CNTN5: variants seen among roughly 807,000 people sequenced by gnomAD.
CNTN5 encodes contactin-5.
Under a neutral mutation model 129.1 loss-of-function variants are expected in CNTN5, and 77 were observed. That is an observed-to-expected ratio of 0.60 (90% CI 0.50 to 0.72). The LOEUF (loss-of-function observed/expected upper bound fraction) is 0.72. Ranked by LOEUF, CNTN5 falls within the 30% of genes least tolerant of loss-of-function variation. The probability of loss-of-function intolerance (pLI) is 0.00; values close to 1 mark genes in which losing one functional copy is unlikely to be tolerated. For synonymous variants in CNTN5, 509 were observed against 465.6 expected (o/e 1.09, Z -1.20); for missense variants, 1,478 against 1,328.8 (o/e 1.11, Z -1.75).
chr11:99,054,664 C>T (rs2135187618), intron 1 of CNTN5, among the ~76,000 whole-genome samples: 1 of 151,792 alleles, frequency 6.6e-6, no homozygotes, highest in East Asian at 2.0e-4. Context: ...TTCCTAGAAG[C>T]ATTGGGAAAT....
chr11:99,051,735 C>T (rs1246548937), intron 1 of CNTN5, among the ~76,000 whole-genome samples: 2 of 151,866 alleles, frequency 1.3e-5, no homozygotes, highest in Non-Finnish European at 2.9e-5. Flanking sequence ...GTCAATCCAT[C>T]CGTTTGCTCT....
At chr11:99,788,888 C>A (rs1945634159) in intron 3 of CNTN5, among the ~76,000 whole-genome samples, 1 of 151,864 alleles carries the variant, frequency 6.6e-6, no homozygotes, top group Non-Finnish European at 1.5e-5. Context: ...CAGATTTCAT[C>A]AGCACAGCTC....
chr11:99,704,024 G>A (rs1003589188), intron 3 of CNTN5, among the ~76,000 whole-genome samples: 4 of 150,452 alleles, frequency 2.7e-5, no homozygotes, highest in Non-Finnish European at 6.0e-5. Context: ...ATAAATGAAG[G>A]CAATAAATAA....
intron 1 of CNTN5, among the ~76,000 whole-genome samples, chr11:99,107,227 A>C (rs908217594): frequency 6.6e-6 from 1 of 152,214 alleles, no homozygotes; most frequent in Admixed American, 6.5e-5. Context: ...TGTTTAACAG[A>C]ACTGACATTG....
At position 99,243,450 on chromosome 11, in the gene CNTN5, A is replaced by C. The variant is rs562153745; in HGVS notation, c.-209-81896A>C. Among the ~76,000 whole-genome samples, 3 of 152,082 alleles carry C rather than the reference A, an allele frequency of 2.0e-5. No homozygotes were observed. In the South Asian group the frequency reaches 6.2e-4, roughly 32 times the overall value. On this transcript the variant is annotated intron_variant, in intron 1 of 24. Transcript: ENST00000524871. The stretch of plus-strand genomic sequence containing the variant: ...GATTGTTTCTTTTGCTGTGCAGAAG[A>C]AGCTCTTTGTTTTAATTAGGCCTTA...
At chr11:99,997,045 A>G (rs1939496289) in intron 8 of CNTN5, among the ~76,000 whole-genome samples, 1 of 152,102 alleles carries the variant, frequency 6.6e-6, no homozygotes, top group South Asian at 2.1e-4. Context: ...AAAACTAATC[A>G]TACCTTGACT....
At chr11:99,560,008 GT>G (rs1948789268) in intron 3 of CNTN5, among the ~76,000 whole-genome samples, 1 of 152,136 alleles carries the variant, frequency 6.6e-6, no homozygotes, top group African/African-American at 2.4e-5. Context: ...GAGAAAAGCT[GT>G]GGAGACTATA....
intron 3 of CNTN5, among the ~76,000 whole-genome samples, chr11:99,760,002 T>C (rs1591113075): frequency 1.3e-5 from 2 of 152,166 alleles, no homozygotes; most frequent in South Asian, 4.1e-4. Flanking sequence ...GAGTTTGAGA[T>C]GACAGTGAAA....
intron 17 of CNTN5, among the ~76,000 whole-genome samples, chr11:100,266,053 T>C (rs540551719): frequency 1.3e-5 from 2 of 152,268 alleles, no homozygotes; most frequent in African/African-American, 4.8e-5. Context: ...TTGCACAGAT[T>C]GGTTACATTT....
chr11:100,311,409 CT>C (rs1228396297), intron 21 of CNTN5, among the ~76,000 whole-genome samples: 2 of 151,810 alleles, frequency 1.3e-5, no homozygotes, highest in African/African-American at 4.8e-5. Context: ...ATTTTAGGAA[CT>C]TTTTTTATTT....
At chr11:100,230,656 C>T (rs1282679781) in intron 16 of CNTN5, among the ~76,000 whole-genome samples, 1 of 152,148 alleles carries the variant, frequency 6.6e-6, no homozygotes, top group Admixed American at 6.5e-5. Context: ...ACACAGACAA[C>T]CAATCAATAC....
At chr11:99,580,117 G>T (rs1224263982) in intron 3 of CNTN5, among the ~76,000 whole-genome samples, 4 of 152,012 alleles carry the variant, frequency 2.6e-5, no homozygotes, top group East Asian at 1.9e-4. Flanking sequence ...GTTCTGTTTA[G>T]ACGCTGGATT....
intron 3 of CNTN5, among the ~76,000 whole-genome samples, chr11:99,689,478 G>A (rs1953941477): frequency 7.1e-6 from 1 of 140,530 alleles, no homozygotes; most frequent in Admixed American, 7.6e-5. Flanking sequence ...AGTGAGCCGA[G>A]GTCGCGCCAC....
chr11:100,106,821 G>A (rs573124580), intron 13 of CNTN5, among the ~76,000 whole-genome samples: 13 of 152,034 alleles, frequency 8.6e-5, no homozygotes, highest in Non-Finnish European at 1.9e-4. Context: ...AATGTTATTA[G>A]GTGACATGAT....
At chr11:99,039,522 A>G (rs1415926360) in intron 1 of CNTN5, among the ~76,000 whole-genome samples, 3 of 152,210 alleles carry the variant, frequency 2.0e-5, no homozygotes, top group African/African-American at 7.2e-5. Context: ...AGTAAAAATG[A>G]AATGGAAGAC....
intron 3 of CNTN5, among the ~76,000 whole-genome samples, chr11:99,653,116 G>C (rs1952221544): frequency 1.3e-5 from 2 of 151,986 alleles, no homozygotes; most frequent in Middle Eastern, 3.4e-3. Flanking sequence ...TTGAAAAATA[G>C]GGCAATAATG....
intron 3 of CNTN5, among the ~76,000 whole-genome samples, chr11:99,681,607 G>C (rs1200937351): frequency 3.3e-5 from 5 of 151,992 alleles, no homozygotes; most frequent in Non-Finnish European, 5.9e-5. Context: ...AAAGTAAAGT[G>C]TAAACATGAA....
intron 20 of CNTN5, among the ~76,000 whole-genome samples, chr11:100,301,164 A>C (rs1951210521): frequency 6.6e-6 from 1 of 151,624 alleles, no homozygotes; most frequent in South Asian, 2.1e-4. Flanking sequence ...CAGAAAGTAC[A>C]TATTCTTTTT....
intron 3 of CNTN5, among the ~76,000 whole-genome samples, chr11:99,634,269 GAGA>G (rs1951468315): frequency 6.6e-6 from 1 of 152,186 alleles, no homozygotes; most frequent in Non-Finnish European, 1.5e-5. Context: ...AAAATAACCA[GAGA>G]AGAAGAGGGA....
Sources: gnomAD v4.1 joint callset for allele counts (sites outside exome capture counted in the v4.1 genomes callset) on GRCh38, gnomAD v4.1.1 for gene constraint, MANE v1.5 for transcripts, NCBI Gene and HGNC (gene_info 2026-07-23, HGNC 2026-07-21) for gene names.